STOX2: variants seen among roughly 807,000 people sequenced by gnomAD.
STOX2 encodes the protein storkhead box 2.
In STOX2, 28 loss-of-function variants were observed where a neutral mutation model predicts 60.9. The ratio of observed to expected loss-of-function variants is 0.46; its 90% CI spans 0.34 to 0.63. The LOEUF (loss-of-function observed/expected upper bound fraction) is 0.63, where lower values mean the gene tolerates loss of function less well. STOX2 is among the 30% of genes least tolerant of loss of function. STOX2 has a pLI of 0.01. For missense variants in STOX2, 1,024 were observed against 1,187.7 expected, an observed-to-expected ratio of 0.86 and a Z score of 2.03; for synonymous variants, 472 against 463.9, an observed-to-expected ratio of 1.02 and a Z score of -0.22.
At chr4:184,004,492 C>T (rs544522538) in intron 2 of STOX2, among the ~76,000 whole-genome samples, 5 of 152,146 alleles carry the variant, frequency 3.3e-5, no homozygotes, top group South Asian at 2.1e-4. Context: ...CCCAGCTACT[C>T]GGGAGGCTGA....
At chr4:183,965,992 T>C (rs2111168153) in intron 1 of STOX2, among the ~76,000 whole-genome samples, 1 of 151,400 alleles carries the variant, frequency 6.6e-6, no homozygotes, top group South Asian at 2.1e-4. Flanking sequence ...AACATTCAGT[T>C]TTGGACATGT....
At chr4:183,950,854 A>G (rs1217433343) in intron 1 of STOX2, among the ~76,000 whole-genome samples, 1 of 152,108 alleles carries the variant, frequency 6.6e-6, no homozygotes, top group Non-Finnish European at 1.5e-5. Context: ...GGAGTTAGGG[A>G]TGTTCACTGG....
intron 1 of STOX2, among the ~76,000 whole-genome samples, chr4:183,858,133 C>A (rs889202494): frequency 6.6e-6 from 1 of 152,132 alleles, no homozygotes; most frequent in Non-Finnish European, 1.5e-5. Context: ...CCTCAGGGGG[C>A]ACCATGCCTG....
Position 184,001,428 on chromosome 4 carries a change from G to A in STOX2, c.270G>A (p.Lys90=), listed in dbSNP as rs764606682. 2 of 1,613,862 alleles carry A rather than the reference G, an allele frequency of 1.2e-6. No homozygotes were observed. Among genetic ancestry groups the A allele is most frequent in the Non-Finnish European group, 1.7e-6 (2 of 1,179,860 alleles). Residue 90 remains lysine (K), a synonymous_variant, in exon 2 of 4, where the codon AAG becomes AAA. Coordinates refer to ENST00000308497, the MANE Select transcript of STOX2 (RefSeq NM_020225.3). This position sits in a 1 kb window ranked among gnomAD's most constrained non-coding sequence, Gnocchi z 4.2. ...TCTCAGCAATGAACTCGGCAAGAAA[G>A]CCTGTCACCCAAGAAGCACTGATGG... The part of the protein sequence containing the change: ...LAISAMNSAR[K]PVTQEALMEH...
At position 184,009,577 on chromosome 4, in the gene STOX2, T is replaced by C. The variant is rs762288203; in HGVS notation, c.739T>C (p.Ser247Pro). ...TEKSKSTVNF[S>P]YKTETLSKPK... ...AAAGAGCAAAAGTACTGTAAATTTT[T>C]CCTATAAGACAGAAACTCTCTCAAA... Residue 247 changes from serine to proline, a missense_variant, in exon 3 of 4, where the codon TCC (serine) becomes CCC (proline). Physicochemically the swap from Ser to Pro is moderately conservative, Grantham distance 74. Transcript: ENST00000308497. This position sits in a 1 kb window ranked among gnomAD's most constrained non-coding sequence, Gnocchi z 4.0. 34 of 1,613,742 alleles carry C rather than the reference T, an allele frequency of 2.1e-5. 1 individual carries two copies. The highest frequency in any genetic ancestry group is 3.3e-4 in the Middle Eastern group (2 of 6,084).
At chr4:183,970,769 T>C (rs1169238216) in intron 1 of STOX2, among the ~76,000 whole-genome samples, 1 of 152,224 alleles carries the variant, frequency 6.6e-6, no homozygotes, top group Non-Finnish European at 1.5e-5. Flanking sequence ...CTATTACCCA[T>C]AAACCTTTTC....
Position 184,011,727 on chromosome 4 carries a change from C to A in STOX2, c.2585+304C>A. ...TTTTCTGCTACGTTCATATTGCCAC[C>A]CATGCTAAGAGAAGGATGTTTTTTA... On this transcript the variant is annotated intron_variant, in intron 3 of 3. Transcript: ENST00000308497. The surrounding 1 kb of genome is among the most constrained non-coding windows in gnomAD (Gnocchi z 4.4). 2.1e-6 allele frequency: 2 copies of A among 946,498 alleles called. No homozygotes were observed. Among genetic ancestry groups the A allele is most frequent in the East Asian group, 4.3e-5 (1 of 23,384 alleles). 58.6% of individuals were successfully genotyped at this position (946,498 alleles called of 1,614,324 possible).
chr4:183,872,866 A>G (rs1010839441), intron 1 of STOX2, among the ~76,000 whole-genome samples: 4 of 151,996 alleles, frequency 2.6e-5, no homozygotes, highest in Admixed American at 2.6e-4. Flanking sequence ...GCTCTATGAG[A>G]TTAGTCCGTC....
At position 183,869,003 on chromosome 4, in the gene STOX2, C is replaced by T. The variant is rs73870929; in HGVS notation, c.364+70948C>T. Among the ~76,000 whole-genome samples, 443 of 152,284 alleles carry T rather than the reference C, an allele frequency of 2.9e-3. 3 individuals carry two copies. The highest frequency in any genetic ancestry group is 9.9e-3 in the African/African-American group (410 of 41,572). ...CCAGATTCTTCTGACTTTGATATTA[C>T]TCCTCATGGTAAGACATGAGAATGA... is the stretch of plus-strand genomic sequence containing the variant. On this transcript the variant is annotated intron_variant, in intron 1 of 2. Transcript: ENST00000513034.
intron 1 of STOX2, among the ~76,000 whole-genome samples, chr4:183,818,862 C>G (rs1013784350): frequency 6.6e-6 from 1 of 152,062 alleles, no homozygotes; most frequent in African/African-American, 2.4e-5. Flanking sequence ...CTCCTCACAT[C>G]CCAGACGGGG....
intron 1 of STOX2, among the ~76,000 whole-genome samples, chr4:183,946,138 C>A (rs1026627681): frequency 6.6e-6 from 1 of 152,166 alleles, no homozygotes; most frequent in African/African-American, 2.4e-5. Flanking sequence ...CAGGGTCACA[C>A]TTTTTAATTC....
intron 1 of STOX2, among the ~76,000 whole-genome samples, chr4:183,812,253 C>T (rs1739052074): frequency 6.6e-6 from 1 of 152,022 alleles, no homozygotes; most frequent in African/African-American, 2.4e-5. Context: ...TCTTAAAGTC[C>T]AGCAGTTTGT....
intron 1 of STOX2, among the ~76,000 whole-genome samples, chr4:183,868,989 T>C (rs4549434): frequency 0.97 from 146,937 of 152,266 alleles, 71,094 homozygotes; most frequent in East Asian, 1. Context: ...CAGATTCTTC[T>C]GACTTTGATA....
chr4:183,932,060 A>T (rs1011196849), intron 1 of STOX2, among the ~76,000 whole-genome samples: 2 of 152,022 alleles, frequency 1.3e-5, no homozygotes, highest in East Asian at 3.9e-4. Context: ...GGCAGAGCTG[A>T]GAAGTGCTTT....
Position 184,009,474 on chromosome 4 carries a change from C to T in STOX2, c.636C>T (p.Pro212=), listed in dbSNP as rs765813501. 2 of 1,614,010 alleles carry T rather than the reference C, an allele frequency of 1.2e-6. No individual in the cohort carries two copies. Among genetic ancestry groups the T allele is most frequent in the East Asian group, 2.2e-5 (1 of 44,880 alleles). Reference sequence around the variant, plus strand: ...AAGACGTGCACAGCACGCATGCACCCACCCTGCAAAGGAAGTCTGCCAAGG... The same window carrying T: ...AAGACGTGCACAGCACGCATGCACCTACCCTGCAAAGGAAGTCTGCCAAGG... ...CREDVHSTHA[P]TLQRKSAKDC... The change falls in exon 3 of 4, where the codon CCC becomes CCT. Residue 212 remains proline, a synonymous_variant. Transcript: ENST00000308497. This position sits in a 1 kb window ranked among gnomAD's most constrained non-coding sequence, Gnocchi z 4.0.
At chr4:183,914,971 G>C (rs544388467) in intron 1 of STOX2, among the ~76,000 whole-genome samples, 1 of 152,176 alleles carries the variant, frequency 6.6e-6, no homozygotes, top group Non-Finnish European at 1.5e-5. Context: ...GCAAGTAGCC[G>C]CACAAAAGAC....
chr4:183,987,991 T>C (rs1732921030), intron 1 of STOX2: 2 of 151,938 alleles, frequency 1.3e-5, no homozygotes, highest in Non-Finnish European at 2.9e-5. Context: ...CATCTGGAGG[T>C]ATGTGCCCTT....
Position 184,009,838 on chromosome 4 carries a change from A to G in STOX2, c.1000A>G (p.Met334Val), listed in dbSNP as rs1228312428. 1 of 1,611,940 alleles carries G rather than the reference A, an allele frequency of 6.2e-7. No homozygotes were observed. The highest frequency in any genetic ancestry group is 8.5e-7 in the Non-Finnish European group (1 of 1,179,064). The stretch of plus-strand genomic sequence containing the variant: ...AAATGTCATGCGGCACACCGCGCTC[A>G]TGAAGAAACTGGAAGAAGAAAAGGC... The part of the protein sequence containing the change: ...VENVMRHTAL[M>V]KKLEEEKAQR... The change falls in exon 3 of 4, where the codon ATG (methionine) becomes GTG (valine). Residue 334 changes from methionine to valine, a missense_variant. Physicochemically the swap from Met to Val is conservative, Grantham distance 21. This residue lies in a region of STOX2 where 922 missense variants were observed against 1,058.3 expected (regional missense o/e 0.87). Transcript: ENST00000308497. This position sits in a 1 kb window ranked among gnomAD's most constrained non-coding sequence, Gnocchi z 4.0.
intron 1 of STOX2, among the ~76,000 whole-genome samples, chr4:183,807,174 G>A (rs898950873): frequency 3.3e-5 from 5 of 151,926 alleles, no homozygotes; most frequent in South Asian, 2.1e-4. Flanking sequence ...GGGTTTCACC[G>A]CGTTAGCCAT....
Sources: gnomAD v4.1 joint callset for allele counts (sites outside exome capture counted in the v4.1 genomes callset) on GRCh38, gnomAD v4.1.1 for gene constraint, gnomAD v4.1.1 regional missense constraint, Gnocchi (gnomAD v3.1) non-coding constraint, MANE v1.5 for transcripts, NCBI Gene and HGNC (gene_info 2026-07-23, HGNC 2026-07-21) for gene names.